SNTG1: variants seen among roughly 807,000 people sequenced by gnomAD.
SNTG1 encodes the protein gamma-1-syntrophin.
SNTG1 carries 39 observed loss-of-function variants against 74.7 expected under a neutral mutation model. That is an observed-to-expected ratio of 0.52 (90% CI 0.40 to 0.68). The LOEUF (loss-of-function observed/expected upper bound fraction) is 0.68. SNTG1 is among the 30% of genes least tolerant of loss of function. SNTG1 has a pLI of 0.00. For missense variants in SNTG1, 685 were observed against 609.5 expected, an observed-to-expected ratio of 1.12 and a Z score of -1.30; for synonymous variants, 254 against 217.1, an observed-to-expected ratio of 1.17 and a Z score of -1.49.
At chr8:50,221,842 G>T (rs888648067) in intron 2 of SNTG1, among the ~76,000 whole-genome samples, 1 of 152,226 alleles carries the variant, frequency 6.6e-6, no homozygotes, top group African/African-American at 2.4e-5. Flanking sequence ...CAAGACAGGG[G>T]AATTGCAATA....
At chr8:50,194,257 A>G (rs1220172509) in intron 2 of SNTG1, among the ~76,000 whole-genome samples, 1 of 152,086 alleles carries the variant, frequency 6.6e-6, no homozygotes, top group Non-Finnish European at 1.5e-5. Flanking sequence ...ACCAATTCTT[A>G]TTTGAATGTC....
intron 1 of SNTG1, among the ~76,000 whole-genome samples, chr8:50,053,657 G>GTGTGTGTGTGTA (rs1554560656): frequency 6.7e-6 from 1 of 148,860 alleles, no homozygotes; most frequent in Non-Finnish European, 1.5e-5. Context: ...GTGTGTGTGT[G>GTGTGTGTGTGTA]TATAATCCAG....
At chr8:50,438,458 G>C in intron 4 of SNTG1, 85 bp from the exon 5 acceptor site, 3 of 1,210,720 alleles carry the variant, frequency 2.5e-6, no homozygotes, top group South Asian at 1.3e-5. Flanking sequence ...GCAAAACCCA[G>C]AAGAAAACCA....
At position 50,496,712 on chromosome 8, in the gene SNTG1, T is replaced by G. The variant is rs1585464011; in HGVS notation, c.364-6066T>G. ...ATTTCTCTTTTCTATTCTTATTGAT[T>G]GTCACCATTTATCAACCCTCTTGCT... On this transcript the variant is annotated intron_variant, in intron 8 of 18. Coordinates refer to ENST00000642720, the MANE Select transcript of SNTG1 (RefSeq NM_018967.5). Among the ~76,000 whole-genome samples, 3 of 152,186 alleles carry G rather than the reference T, an allele frequency of 2.0e-5. No individual in the cohort carries two copies. In the South Asian group the frequency reaches 6.2e-4, roughly 31 times the overall value.
intron 2 of SNTG1, among the ~76,000 whole-genome samples, chr8:50,221,755 A>C (rs1428430979): frequency 6.6e-6 from 1 of 152,174 alleles, no homozygotes; most frequent in Non-Finnish European, 1.5e-5. Flanking sequence ...TATAGTGGGC[A>C]TATCAGGGAA....
Position 50,553,099 on chromosome 8 carries a change from A to T in SNTG1, c.730A>T (p.Ile244Phe). ...TGTGGATGGGGTCTGCACTGGGATT[A>T]TTCAGTGCCTCTCTGCTGAAGACTG... ...IAVDGVCTGI[I>F]QCLSAEDCVD... The change falls in exon 12 of 19, where the codon ATT becomes TTT. Residue 244 changes from isoleucine to phenylalanine, a missense_variant. Coordinates refer to ENST00000642720, the MANE Select transcript of SNTG1 (RefSeq NM_018967.5). 1 of 1,613,894 alleles carries T rather than the reference A, an allele frequency of 6.2e-7. No homozygotes were observed. Among genetic ancestry groups the T allele is most frequent in the Non-Finnish European group, 8.5e-7 (1 of 1,179,814 alleles).
intron 1 of SNTG1, among the ~76,000 whole-genome samples, chr8:49,949,721 C>A (rs531986235): frequency 1.3e-5 from 2 of 152,330 alleles, no homozygotes; most frequent in African/African-American, 4.8e-5. Context: ...GATTGCCATA[C>A]TTCCAGAAGC....
chr8:50,530,876 T>G (rs926450962), intron 10 of SNTG1, among the ~76,000 whole-genome samples: 1 of 152,194 alleles, frequency 6.6e-6, no homozygotes, highest in African/African-American at 2.4e-5. Flanking sequence ...TTCCTTGCAT[T>G]TCATCCTTCA....
intron 1 of SNTG1, among the ~76,000 whole-genome samples, chr8:50,168,977 G>A (rs2082719826): frequency 6.6e-6 from 1 of 152,164 alleles, no homozygotes; most frequent in Admixed American, 6.5e-5. Flanking sequence ...TTTATCATAT[G>A]TATATTTCTG....
chr8:50,693,654 G>T (rs899153015), intron 15 of SNTG1, among the ~76,000 whole-genome samples: 1 of 152,092 alleles, frequency 6.6e-6, no homozygotes, highest in Non-Finnish European at 1.5e-5. Context: ...AACAGCAACA[G>T]AATACACATT....
intron 2 of SNTG1, chr8:50,381,792 AT>A (rs2092490186): frequency 7.1e-6 from 1 of 140,466 alleles, no homozygotes; most frequent in Non-Finnish European, 1.5e-5. Context: ...ATATATATAT[AT>A]ATCCTATTAG....
At chr8:50,499,158 G>C (rs2093929367) in intron 8 of SNTG1, among the ~76,000 whole-genome samples, 1 of 151,672 alleles carries the variant, frequency 6.6e-6, no homozygotes, top group East Asian at 1.9e-4. Flanking sequence ...AAAAAAGTCT[G>C]CTGGGATTTC....
intron 2 of SNTG1, among the ~76,000 whole-genome samples, chr8:50,195,243 C>T (rs2083720817): frequency 6.6e-6 from 1 of 151,978 alleles, no homozygotes; most frequent in Non-Finnish European, 1.5e-5. Flanking sequence ...AGTCACAGGC[C>T]TCACACAGCT....
At chr8:50,008,051 T>A (rs1340429691) in intron 1 of SNTG1, among the ~76,000 whole-genome samples, 4 of 151,922 alleles carry the variant, frequency 2.6e-5, no homozygotes, top group African/African-American at 9.7e-5. Flanking sequence ...CCTCACCGGG[T>A]CCCTCCCTCA....
intron 5 of SNTG1, among the ~76,000 whole-genome samples, chr8:50,446,714 T>A (rs913135912): frequency 7.2e-5 from 11 of 152,154 alleles, no homozygotes; most frequent in Admixed American, 7.2e-4. Flanking sequence ...AAAAACCATG[T>A]TTGGATTCAA....
intron 8 of SNTG1, among the ~76,000 whole-genome samples, chr8:50,485,040 A>T (rs1166129734): frequency 6.6e-6 from 1 of 152,156 alleles, no homozygotes; most frequent in Non-Finnish European, 1.5e-5. Context: ...GACATTCAAC[A>T]TGGGTCTGAA....
At chr8:50,406,984 A>G (rs1443495457) in intron 4 of SNTG1, among the ~76,000 whole-genome samples, 1 of 151,646 alleles carries the variant, frequency 6.6e-6, no homozygotes, top group Non-Finnish European at 1.5e-5. Context: ...TTTGAGAAAA[A>G]CTCCCTTTGT....
chr8:50,705,040 C>T (rs1246608062), intron 16 of SNTG1, among the ~76,000 whole-genome samples: 2 of 152,184 alleles, frequency 1.3e-5, no homozygotes, highest in South Asian at 2.1e-4. Flanking sequence ...ATAGAAAATA[C>T]TCTGATTTAA....
intron 1 of SNTG1, among the ~76,000 whole-genome samples, chr8:50,154,867 A>C (rs2082202524): frequency 6.6e-6 from 1 of 152,200 alleles, no homozygotes; most frequent in East Asian, 1.9e-4. Context: ...ACATTAGTGG[A>C]AAAAAGGTAA....
Sources: allele counts gnomAD v4.1 joint callset (sites outside exome capture counted in the v4.1 genomes callset), GRCh38; gene constraint gnomAD v4.1.1; transcripts MANE v1.5; gene names NCBI Gene and HGNC (gene_info 2026-07-23, HGNC 2026-07-21).